The following CTIF variants were observed in gnomAD, a reference collection of about 807,000 sequenced individuals.
CTIF encodes the protein CBP80/20-dependent translation initiation factor.
Under a neutral mutation model 66.0 loss-of-function variants are expected in CTIF, and 21 were observed. The observed-to-expected ratio is 0.32, with a 90% confidence interval of 0.23 to 0.46. The LOEUF (loss-of-function observed/expected upper bound fraction) is 0.46, where lower values mean the gene tolerates loss of function less well. CTIF is among the 20% of genes least tolerant of loss of function. The pLI, the probability that CTIF is intolerant of heterozygous loss-of-function variation, is 1.00. For missense variants in CTIF, 739 were observed against 812.7 expected (o/e 0.91, Z 1.10); for synonymous variants, 345 against 326.4 (o/e 1.06, Z -0.62).
At chr18:48,824,014 A>ACACACACACACAC (rs1568247737) in intron 10 of CTIF, among the ~76,000 whole-genome samples, 1 of 58,098 alleles carries the variant, frequency 1.7e-5, no homozygotes, top group Non-Finnish European at 4.6e-5. Flanking sequence ...ACACACACAC[A>ACACACACACACAC]AACTGCTAGA....
At chr18:48,631,254 A>G (rs1203136362) in intron 2 of CTIF, among the ~76,000 whole-genome samples, 1 of 152,148 alleles carries the variant, frequency 6.6e-6, no homozygotes, top group African/African-American at 2.4e-5. Flanking sequence ...ACCTGAGCTC[A>G]GGAGTTTGAG....
chr18:48,640,070 C>T (rs987644025), intron 3 of CTIF, among the ~76,000 whole-genome samples: 1 of 152,198 alleles, frequency 6.6e-6, no homozygotes, highest in African/African-American at 2.4e-5. Flanking sequence ...GGCAGCTGCC[C>T]ACTGAAGGGT....
intron 1 of CTIF, among the ~76,000 whole-genome samples, chr18:48,612,005 A>G (rs2090316158): frequency 1.3e-5 from 2 of 152,196 alleles, no homozygotes; most frequent in South Asian, 4.1e-4. Flanking sequence ...CTCCTGTGAC[A>G]GAAAATGTTG....
intron 10 of CTIF, among the ~76,000 whole-genome samples, chr18:48,842,536 G>A (rs981643160): frequency 6.1e-5 from 8 of 131,566 alleles, no homozygotes; most frequent in African/African-American, 2.1e-4. Context: ...TTAATGTTCC[G>A]CCTCAGAAGA....
intron 7 of CTIF, among the ~76,000 whole-genome samples, chr18:48,719,026 G>C (rs2128257): frequency 1.6e-4 from 25 of 152,198 alleles, no homozygotes; most frequent in Non-Finnish European, 3.1e-4. Context: ...GGAGAGGTCT[G>C]CTTTCTTTTT....
chr18:48,571,117 C>T (rs1008615104), intron 1 of CTIF, among the ~76,000 whole-genome samples: 10 of 152,174 alleles, frequency 6.6e-5, no homozygotes, highest in Admixed American at 3.9e-4. Context: ...TCCCCACCTA[C>T]CCCCTTCCGT....
intron 7 of CTIF, among the ~76,000 whole-genome samples, chr18:48,736,348 C>T (rs1005353595): frequency 1.2e-4 from 18 of 152,206 alleles, no homozygotes; most frequent in Non-Finnish European, 5.9e-5. Context: ...TGGGACCACT[C>T]AGCAGATACC....
chr18:48,606,732 G>A (rs1304767163), intron 1 of CTIF, among the ~76,000 whole-genome samples: 1 of 152,134 alleles, frequency 6.6e-6, no homozygotes, highest in Non-Finnish European at 1.5e-5. Context: ...ACTCTCTTTG[G>A]TCAGAGTATC....
At position 48,731,805 on chromosome 18, in the gene CTIF, A is replaced by G. The variant is rs558502955; in HGVS notation, c.584+20110A>G. ...GGACACCTCCTAGGCTGTGCATTCTATCTGGATTAGGGGTCAGCAAAGTTT... is the reference window on the plus strand; with the variant it reads ...GGACACCTCCTAGGCTGTGCATTCTGTCTGGATTAGGGGTCAGCAAAGTTT... On this transcript the variant is annotated intron_variant, in intron 7 of 11. Coordinates refer to ENST00000256413, the MANE Select transcript of CTIF (RefSeq NM_014772.3). Among the ~76,000 whole-genome samples, 10 of 152,354 alleles carry G rather than the reference A, an allele frequency of 6.6e-5. No individual in the cohort carries two copies. In the South Asian group the frequency reaches 1.4e-3, roughly 22 times the overall value.
intron 2 of CTIF, among the ~76,000 whole-genome samples, chr18:48,636,208 T>C (rs2090819077): frequency 6.6e-6 from 1 of 152,192 alleles, no homozygotes; most frequent in Non-Finnish European, 1.5e-5. Flanking sequence ...GACCAATACA[T>C]ACCTGCCTCA....
chr18:48,563,129 G>A (rs1019198247), intron 1 of CTIF, among the ~76,000 whole-genome samples: 1 of 152,208 alleles, frequency 6.6e-6, no homozygotes, highest in African/African-American at 2.4e-5. Flanking sequence ...TTCTTAGGAT[G>A]CTCCCTGTTT....
chr18:48,563,726 C>A (rs2089215587), intron 1 of CTIF, among the ~76,000 whole-genome samples: 2 of 152,248 alleles, frequency 1.3e-5, no homozygotes, highest in African/African-American at 2.4e-5. Flanking sequence ...CCTGCCTCAG[C>A]CTTCCAAAGT....
chr18:48,845,274 C>T (rs913874934), intron 10 of CTIF, among the ~76,000 whole-genome samples: 3 of 152,180 alleles, frequency 2.0e-5, no homozygotes, highest in East Asian at 1.9e-4. Context: ...TCCAACCCTG[C>T]GGGGCCCAGC....
intron 3 of CTIF, among the ~76,000 whole-genome samples, chr18:48,642,192 G>A (rs1340073395): frequency 6.6e-6 from 1 of 152,134 alleles, no homozygotes; most frequent in Non-Finnish European, 1.5e-5. Flanking sequence ...GGAGCTTCTG[G>A]ATCACTGCCA....
intron 1 of CTIF, among the ~76,000 whole-genome samples, chr18:48,562,475 G>A (rs963080050): frequency 1.3e-5 from 2 of 152,194 alleles, no homozygotes; most frequent in African/African-American, 2.4e-5. Context: ...AACTAGAACT[G>A]ATGTGGCATG....
chr18:48,717,039 G>A (rs1485669566), intron 7 of CTIF, among the ~76,000 whole-genome samples: 8 of 152,146 alleles, frequency 5.3e-5, no homozygotes, highest in Non-Finnish European at 8.8e-5. Flanking sequence ...CTACAGCAGC[G>A]CTTGCTGCCT....
intron 9 of CTIF, among the ~76,000 whole-genome samples, chr18:48,782,964 C>T (rs185403384): frequency 7.9e-4 from 121 of 152,336 alleles, no homozygotes; most frequent in African/African-American, 2.8e-3. Flanking sequence ...CGCCTGTAGA[C>T]CCTTCTCCCC....
In CTIF at chr18:48,859,932, G is replaced by A. The variant is rs564850983; in HGVS notation, c.*373G>A. 9.4e-5 allele frequency: 46 copies of A among 487,452 alleles called. 1 individual carries two copies. The highest frequency in any genetic ancestry group is 8.1e-4 in the Admixed American group (35 of 43,336). The allele number at this position is 487,452 out of a possible 1,614,324, so 30.2% of individuals were successfully genotyped here. A position where few individuals can be genotyped will look rare whatever the true frequency, so the allele number is the denominator to read the frequency against. On this transcript the variant is annotated 3_prime_UTR_variant, in exon 12 of 12. Transcript: ENST00000256413. ...CTCGGAGACCTTGGCAGCCTCGCAC[G>A]CCGGGGCACCGCTTGGGTCAGAAAG... is the stretch of plus-strand genomic sequence containing the variant.
intron 9 of CTIF, among the ~76,000 whole-genome samples, chr18:48,783,213 G>A (rs1268504500): frequency 6.6e-6 from 1 of 152,112 alleles, no homozygotes; most frequent in Non-Finnish European, 1.5e-5. Context: ...AGGCCTAGCT[G>A]GGGGGCTCCC....
Sources: gnomAD v4.1 joint callset for allele counts (sites outside exome capture counted in the v4.1 genomes callset) on GRCh38, gnomAD v4.1.1 for gene constraint, MANE v1.5 for transcripts, NCBI Gene and HGNC (gene_info 2026-07-23, HGNC 2026-07-21) for gene names.